The following TCF4 variants were observed in gnomAD, a reference collection of about 807,000 sequenced individuals.
The protein encoded by TCF4 is transcription factor 4.
A neutral mutation model predicts 82.1 loss-of-function variants in TCF4; 3 were observed. The observed-to-expected ratio is 0.04, with a 90% CI of 0.02 to 0.09. The LOEUF (loss-of-function observed/expected upper bound fraction) is 0.09, where lower values mean the gene tolerates loss of function less well. Ranked by LOEUF, TCF4 falls within the 10% of genes least tolerant of loss-of-function variation. The pLI, the probability that TCF4 is intolerant of heterozygous loss-of-function variation, is 1.00. For missense variants in TCF4, 518 were observed against 852.7 expected (o/e 0.61, Z 4.89); for synonymous variants, 276 against 309.6 (o/e 0.89, Z 1.14).
At chr18:55,368,878 C>T (rs576650233) in intron 6 of TCF4, among the ~76,000 whole-genome samples, 4 of 152,252 alleles carry the variant, frequency 2.6e-5, no homozygotes, top group East Asian at 1.9e-4. Flanking sequence ...AACTGAGGAA[C>T]GTCAGTTCTT....
intron 6 of TCF4, chr18:55,384,066 C>CT (rs1451516666): frequency 6.6e-6 from 1 of 152,174 alleles, no homozygotes; most frequent in African/African-American, 2.4e-5. Context: ...TAAAAAGTGA[C>CT]TTTTTGGTCA....
chr18:55,391,058 C>T (rs185476240), intron 6 of TCF4, among the ~76,000 whole-genome samples: 11 of 152,270 alleles, frequency 7.2e-5, no homozygotes, highest in Admixed American at 2.0e-4. Context: ...CCTTGAGGGA[C>T]GATGTCATAG....
At chr18:55,568,510 T>A (rs2097430045) in intron 3 of TCF4, among the ~76,000 whole-genome samples, 1 of 151,658 alleles carries the variant, frequency 6.6e-6, no homozygotes, top group Non-Finnish European at 1.5e-5. Context: ...AACACACACA[T>A]CTATACACAC....
At chr18:55,349,427 AC>A (rs1327108723) in intron 8 of TCF4, among the ~76,000 whole-genome samples, 4 of 152,182 alleles carry the variant, frequency 2.6e-5, no homozygotes, top group African/African-American at 9.6e-5. Flanking sequence ...TTGGTAATAT[AC>A]TTTAAGAAAT....
At chr18:55,246,232 C>CGTGTGTGT (rs34773632) in intron 15 of TCF4, among the ~76,000 whole-genome samples, 27,190 of 147,582 alleles carry the variant, frequency 0.18, 2,676 homozygotes, top group Non-Finnish European at 0.23. Flanking sequence ...TTTAAATACA[C>CGTGTGTGT]GTGTGTGTGT....
intron 8 of TCF4, among the ~76,000 whole-genome samples, chr18:55,293,090 T>G (rs372628380): frequency 6.6e-6 from 1 of 152,126 alleles, no homozygotes; most frequent in Non-Finnish European, 1.5e-5. Context: ...TATTACTGAA[T>G]GGTTTACTTC....
chr18:55,234,558 G>T lies in TCF4; in HGVS notation c.1476C>A (p.Asp492Glu), dbSNP rs1319622679. Residue 492 changes from aspartate to glutamate, a missense_variant, in exon 16 of 20, where the codon GAC (aspartate) becomes GAA (glutamate). Around this residue, in one of 7 missense-constraint regions of TCF4, gnomAD observed 144 missense variants for 190.2 expected, o/e 0.76. Coordinates refer to ENST00000354452, the MANE Select transcript of TCF4 (RefSeq NM_001083962.2). Reference protein sequence around the residue: ...ATSPDLNPPQDPYRGMPPGLQ... With the variant: ...ATSPDLNPPQEPYRGMPPGLQ... The stretch of plus-strand genomic sequence containing the variant: ...GTGAGGCCAACCTACCTCTGTAAGG[G>T]TCCTGGGGTGGGTTCAGGTCAGGGG... 5 of 1,614,016 alleles carry T rather than the reference G, an allele frequency of 3.1e-6. No homozygotes were observed. In the African/African-American group the frequency reaches 5.3e-5, roughly 17 times the overall value.
At chr18:55,517,308 C>G (rs1451216785) in intron 3 of TCF4, among the ~76,000 whole-genome samples, 1 of 152,166 alleles carries the variant, frequency 6.6e-6, no homozygotes, top group African/African-American at 2.4e-5. Flanking sequence ...GAACCCTGAG[C>G]TATCCTCTGG....
At chr18:55,610,730 G>A (rs2097706263) in intron 2 of TCF4, among the ~76,000 whole-genome samples, 1 of 152,224 alleles carries the variant, frequency 6.6e-6, no homozygotes, top group Non-Finnish European at 1.5e-5. Context: ...CCAAGACATT[G>A]CAGAGGGAAG....
intron 8 of TCF4, among the ~76,000 whole-genome samples, chr18:55,308,241 T>C (rs1052567167): frequency 1.3e-5 from 2 of 152,206 alleles, no homozygotes; most frequent in Admixed American, 6.5e-5. Flanking sequence ...ATGAAAAATA[T>C]TTGGATTATG....
chr18:55,418,587 T>C (rs1021236788), intron 5 of TCF4, among the ~76,000 whole-genome samples: 1 of 152,162 alleles, frequency 6.6e-6, no homozygotes, highest in Non-Finnish European at 1.5e-5. Flanking sequence ...TCCTGTTAGG[T>C]AGATACCATA....
chr18:55,568,463 G>A (rs1007726141), intron 3 of TCF4, among the ~76,000 whole-genome samples: 2 of 151,496 alleles, frequency 1.3e-5, no homozygotes, highest in Non-Finnish European at 3.0e-5. Context: ...AAATGAAATA[G>A]AGAGAAAACT....
chr18:55,572,120 T>C (rs147439085), intron 3 of TCF4, among the ~76,000 whole-genome samples: 54 of 152,238 alleles, frequency 3.5e-4, no homozygotes, highest in African/African-American at 1.1e-3. Context: ...TAGACAGTTC[T>C]ATGTTCGTCT....
Position 55,292,720 on chromosome 18 carries a change from G to A in TCF4, c.550-13064C>T, listed in dbSNP as rs150166014. The stretch of plus-strand genomic sequence containing the variant: ...AATGTGTGTGTGTGTGTGTATACAC[G>A]TATATACATGTGCGTAGATACATAT... On this transcript the variant is annotated intron_variant, in intron 8 of 19. Coordinates refer to ENST00000354452, the MANE Select transcript of TCF4 (RefSeq NM_001083962.2). 5.5e-5 allele frequency among the ~76,000 whole-genome samples: 8 copies of A among 144,464 alleles called. No individual in the cohort carries two copies. In the South Asian group the frequency reaches 6.6e-4, roughly 12 times the overall value. 94.8% of individuals were successfully genotyped at this position (144,464 alleles called of 152,430 possible).
intron 8 of TCF4, among the ~76,000 whole-genome samples, chr18:55,298,436 C>A (rs539440950): frequency 6.6e-6 from 1 of 152,330 alleles, no homozygotes; most frequent in East Asian, 1.9e-4. Context: ...TGTTCGAAGA[C>A]AGGCTCACAA....
intron 10 of TCF4, among the ~76,000 whole-genome samples, chr18:55,270,525 C>T (rs1263539711): frequency 6.6e-6 from 1 of 152,108 alleles, no homozygotes; most frequent in Non-Finnish European, 1.5e-5. Flanking sequence ...TTAAATATCT[C>T]TCTTACTCAT....
chr18:55,253,781 T>TAA (rs1010469524), intron 15 of TCF4, among the ~76,000 whole-genome samples: 1 of 148,266 alleles, frequency 6.7e-6, no homozygotes, highest in Admixed American at 6.7e-5. Flanking sequence ...CTTCTTTAAT[T>TAA]AAAAAAAAAA....
chr18:55,562,979 C>A (rs2097368086), intron 3 of TCF4, among the ~76,000 whole-genome samples: 2 of 152,118 alleles, frequency 1.3e-5, no homozygotes, highest in South Asian at 4.1e-4. Context: ...GTAGCTCACA[C>A]CTGTAATTCC....
chr18:55,616,712 A>G (rs1196758231), intron 2 of TCF4, among the ~76,000 whole-genome samples: 3 of 152,068 alleles, frequency 2.0e-5, no homozygotes, highest in African/African-American at 7.2e-5. Flanking sequence ...CATGTTGAGC[A>G]TCTTTCATAT....
Sources: allele counts gnomAD v4.1 joint callset (sites outside exome capture counted in the v4.1 genomes callset), GRCh38; gene constraint gnomAD v4.1.1; regional missense constraint gnomAD v4.1.1; transcripts MANE v1.5; gene names NCBI Gene and HGNC (gene_info 2026-07-23, HGNC 2026-07-21).